Variants in KLF8 observed in about 807,000 individuals in gnomAD.
The protein encoded by KLF8 is KLF transcription factor 8.
KLF8 carries 10 observed loss-of-function variants against 18.2 expected under a neutral mutation model. The observed-to-expected ratio is 0.55, with a 90% CI of 0.34 to 0.93. KLF8 has a LOEUF of 0.93. KLF8 is among the 40% of genes least tolerant of loss of function. KLF8 has a pLI of 0.02. For missense variants in KLF8, 264 were observed against 277.9 expected (o/e 0.95, Z 0.36); for synonymous variants, 109 against 97.3 (o/e 1.12, Z -0.71).
At chrX:56,118,513 C>G in the KLF8 span, among the ~76,000 whole-genome samples, 7 of 110,933 alleles carry the variant, frequency 6.3e-5, no homozygotes, top group Non-Finnish European at 9.4e-5. Flanking sequence ...CACTTGTTTA[C>G]TACAATGTTT....
At chrX:56,019,375 G>T in the KLF8 span, among the ~76,000 whole-genome samples, 1 of 112,277 alleles carries the variant, frequency 8.9e-6, no homozygotes, top group Non-Finnish European at 1.9e-5. Context: ...TCCTTTCAGA[G>T]AGTGCTGAGA....
At chrX:56,099,723 T>G in the KLF8 span, among the ~76,000 whole-genome samples, 7 of 111,927 alleles carry the variant, frequency 6.3e-5, no homozygotes, top group African/African-American at 1.9e-4. Context: ...GCCACAACAT[T>G]CCTTTATGCC....
rs1226395226 is a variant in KLF8, at chrX:56,291,105, T to A, written c.*6611T>A. On this transcript the variant is annotated 3_prime_UTR_variant, in exon 6 of 6. Transcript: ENST00000468660. The stretch of plus-strand genomic sequence containing the variant: ...GAGCAGTGCCAGAAACTGGTTCTCT[T>A]TTTTGTGTTGGGGAAAGGAGCCTGC... Among the ~76,000 whole-genome samples, 5 of 111,577 alleles carry A rather than the reference T, an allele frequency of 4.5e-5. No individual in the cohort carries two copies. Among genetic ancestry groups the A allele is most frequent in the African/African-American group, 1.6e-4 (5 of 30,707 alleles).
chrX:56,202,559 T>TCCC, the KLF8 span, among the ~76,000 whole-genome samples: 2 of 75,806 alleles, frequency 2.6e-5, no homozygotes, highest in Non-Finnish European at 5.3e-5. Flanking sequence ...CCATTAACCT[T>TCCC]CCCCCCCCCT....
chrX:56,180,948 G>T, the KLF8 span, among the ~76,000 whole-genome samples: 1 of 111,602 alleles, frequency 9.0e-6, no homozygotes, highest in Non-Finnish European at 1.9e-5. Context: ...GTTGATTTGG[G>T]GTGGAGAGTT....
chrX:56,244,306 C>T (rs748282978), intron 1 of KLF8, among the ~76,000 whole-genome samples: 19 of 111,835 alleles, frequency 1.7e-4, no homozygotes, highest in Non-Finnish European at 2.8e-4. Context: ...ACCTTCTGGT[C>T]TCATGTGATC....
chrX:56,023,361 CA>C, the KLF8 span, among the ~76,000 whole-genome samples: 1 of 111,643 alleles, frequency 9.0e-6, no homozygotes, highest in Admixed American at 9.5e-5. Context: ...AACCAAAAGG[CA>C]GAGACAAACA....
At chrX:56,181,881 G>C in the KLF8 span, among the ~76,000 whole-genome samples, 1 of 108,884 alleles carries the variant, frequency 9.2e-6, no homozygotes, top group African/African-American at 3.4e-5. Flanking sequence ...TTTCTCTCTG[G>C]CTGCCCTTAA....
the KLF8 span, among the ~76,000 whole-genome samples, chrX:56,122,447 T>C: frequency 8.9e-6 from 1 of 111,802 alleles, no homozygotes; most frequent in Non-Finnish European, 1.9e-5. Flanking sequence ...ATACTTGGTA[T>C]GCATTCAATT....
chrX:56,212,527 G>T, the KLF8 span, among the ~76,000 whole-genome samples: 1 of 111,897 alleles, frequency 8.9e-6, no homozygotes, highest in Non-Finnish European at 1.9e-5. Flanking sequence ...GGCTAGGGCT[G>T]GTTTAAATGC....
At chrX:56,104,196 A>G in the KLF8 span, among the ~76,000 whole-genome samples, 1 of 111,352 alleles carries the variant, frequency 9.0e-6, no homozygotes, top group African/African-American at 3.3e-5. Context: ...TGTTTCTGCC[A>G]GGCTTTGGTA....
chrX:56,079,605 A>G, the KLF8 span, among the ~76,000 whole-genome samples: 1 of 111,543 alleles, frequency 9.0e-6, no homozygotes, highest in Non-Finnish European at 1.9e-5. Flanking sequence ...GTGCTGAAAA[A>G]AATGTATATT....
chrX:56,141,581 CTGTT>C, the KLF8 span, among the ~76,000 whole-genome samples: 5 of 111,192 alleles, frequency 4.5e-5, no homozygotes, highest in African/African-American at 1.6e-4. Context: ...TTTCTTTAAT[CTGTT>C]TGTTTAATCA....
At chrX:56,144,343 T>C in the KLF8 span, among the ~76,000 whole-genome samples, 2 of 109,936 alleles carry the variant, frequency 1.8e-5, no homozygotes, top group African/African-American at 6.6e-5. Context: ...AATTAAAAAC[T>C]TTTGTGCATC....
chrX:56,171,603 A>G, the KLF8 span, among the ~76,000 whole-genome samples: 5 of 110,661 alleles, frequency 4.5e-5, no homozygotes, highest in African/African-American at 1.6e-4. Context: ...ATTCCCACCT[A>G]TGAGTGAGAA....
the KLF8 span, among the ~76,000 whole-genome samples, chrX:56,165,951 A>T: frequency 1.8e-5 from 2 of 111,313 alleles, no homozygotes; most frequent in Non-Finnish European, 3.8e-5. Flanking sequence ...ATAGAGGCAG[A>T]TAGGAATTTG....
the KLF8 span, among the ~76,000 whole-genome samples, chrX:56,098,005 T>C: frequency 9.0e-6 from 1 of 111,002 alleles, no homozygotes; most frequent in South Asian, 3.8e-4. Context: ...AGGAGGTGTT[T>C]GTATCATGGA....
At chrX:56,038,878 T>C in the KLF8 span, among the ~76,000 whole-genome samples, 1 of 112,080 alleles carries the variant, frequency 8.9e-6, no homozygotes, top group East Asian at 2.8e-4. Context: ...CCAGAATCTG[T>C]TGTTCTTGGA....
the KLF8 span, among the ~76,000 whole-genome samples, chrX:55,973,891 C>T: frequency 9.0e-6 from 1 of 111,560 alleles, no homozygotes; most frequent in South Asian, 3.8e-4. Context: ...GTTGTTTGTT[C>T]ATAGCAGCAG....
Sources: allele counts gnomAD v4.1 joint callset (sites outside exome capture counted in the v4.1 genomes callset), GRCh38; gene constraint gnomAD v4.1.1; transcripts MANE v1.5; gene names NCBI Gene and HGNC (gene_info 2026-07-23, HGNC 2026-07-21).